The following PPP2R5D variants were observed in gnomAD, a reference collection of about 807,000 sequenced individuals.
PPP2R5D encodes protein phosphatase 2 regulatory subunit B'delta.
Under a neutral mutation model 79.1 loss-of-function variants are expected in PPP2R5D, and 12 were observed. The ratio of observed to expected loss-of-function variants is 0.15; its 90% CI spans 0.10 to 0.25. The LOEUF is 0.25. Among genes scored for constraint, PPP2R5D ranks in the 10% least tolerant of loss-of-function variants. PPP2R5D has a pLI of 1.00. For synonymous variants in PPP2R5D, 277 were observed against 286.6 expected, an observed-to-expected ratio of 0.97 and a Z score of 0.34; for missense variants, 419 against 760.2, an observed-to-expected ratio of 0.55 and a Z score of 5.28.
Position 43,008,278 on chromosome 6 carries a change from G to T in PPP2R5D, c.917+18G>T, listed in dbSNP as rs1293181313. On this transcript the variant is annotated intron_variant, in intron 8 of 15. Coordinates refer to ENST00000485511, the MANE Select transcript of PPP2R5D (RefSeq NM_006245.4). The surrounding 1 kb of genome is among the most constrained non-coding windows in gnomAD (Gnocchi z 4.2). ...CTGGGCAGGTGAGAGGCCGGGTGGG[G>T]GCACAGATGCCTGAAAAAGGTTGGC... 1 of 1,613,988 alleles carries T rather than the reference G, an allele frequency of 6.2e-7. No individual in the cohort carries two copies. Among genetic ancestry groups the T allele is most frequent in the Non-Finnish European group, 8.5e-7 (1 of 1,180,018 alleles).
At chr6:43,004,126 A>G (rs1172678757) in intron 2 of PPP2R5D, among the ~76,000 whole-genome samples, 1 of 144,712 alleles carries the variant, frequency 6.9e-6, no homozygotes, top group Non-Finnish European at 1.5e-5. Context: ...GGGTTTGAGC[A>G]ATTCTCTTGC....
At position 43,006,635 on chromosome 6, in the gene PPP2R5D, A is replaced by G. The variant is rs1160346330; in HGVS notation, c.278A>G (p.Asn93Ser). ...KERRQSSSRF[N>S]LSKNRELQKL... ...CGACGGCAAAGCTCCTCCCGCTTCA[A>G]CCTCAGCAAGAATCGGGAGCTGCAG... Residue 93 changes from asparagine to serine, a missense_variant, in exon 3 of 16, where the codon AAC becomes AGC. By Grantham distance (46) the Asn-to-Ser change is conservative. Around this residue, in one of 5 missense-constraint regions of PPP2R5D, gnomAD observed 110 missense variants for 147.6 expected, o/e 0.75. Coordinates refer to ENST00000485511, the MANE Select transcript of PPP2R5D (RefSeq NM_006245.4). This position sits in a 1 kb window ranked among gnomAD's most constrained non-coding sequence, Gnocchi z 4.7. 2.5e-6 allele frequency: 4 copies of G among 1,614,150 alleles called. No homozygotes were observed. The highest frequency in any genetic ancestry group is 3.3e-5 in the Admixed American group (2 of 60,008).
In PPP2R5D at chr6:43,008,254, T is replaced by TG; in HGVS notation, c.914dup (p.Ser306GlnfsTer11). 6.2e-7 allele frequency: 1 copy of TG among 1,614,182 alleles called. No homozygotes were observed. Among genetic ancestry groups the TG allele is most frequent in the South Asian group, 1.1e-5 (1 of 91,084 alleles). On this transcript the variant is annotated frameshift_variant, in exon 8 of 16. Transcript: ENST00000485511. LOFTEE classifies it high-confidence loss of function. The surrounding 1 kb of genome is among the most constrained non-coding windows in gnomAD (Gnocchi z 4.2). ...GGGATTGCTGAGCTCCTGGAGATCC[T>TG]GGGCAGGTGAGAGGCCGGGTGGGGG... is the stretch of plus-strand genomic sequence containing the variant.
intron 1 of PPP2R5D, among the ~76,000 whole-genome samples, chr6:42,988,468 T>G (rs1022613095): frequency 6.6e-6 from 1 of 152,236 alleles, no homozygotes; most frequent in Admixed American, 6.5e-5. Flanking sequence ...TTCAGCCCAT[T>G]GCTCTCGTGC....
intron 15 of PPP2R5D, 67 bp from the exon 16 acceptor site, chr6:43,011,082 G>A: frequency 1.2e-6 from 2 of 1,611,372 alleles, no homozygotes; most frequent in Middle Eastern, 1.7e-4. Context: ...AAAGAATAAG[G>A]GGACGGAACA....
rs1328178758 is a variant in PPP2R5D at position 43,010,546 on chromosome 6, A to G, written c.1458A>G (p.Gln486=). 2.5e-6 allele frequency: 4 copies of G among 1,614,166 alleles called. No individual in the cohort carries two copies. The highest frequency in any genetic ancestry group is 1.3e-5 in the African/African-American group (1 of 75,046). ...AGAAGCTGTTTGATGACTGCACACAACAATACAAGGCAGAGAAGCAGAAGT... is the reference window on the plus strand; with the variant it reads ...AGAAGCTGTTTGATGACTGCACACAGCAATACAAGGCAGAGAAGCAGAAGT... ...MNQKLFDDCT[Q]QYKAEKQKGR... Residue 486 remains glutamine (Q), a synonymous_variant, in exon 13 of 16, where the codon CAA becomes CAG. Coordinates refer to ENST00000485511, the MANE Select transcript of PPP2R5D (RefSeq NM_006245.4). This position sits in a 1 kb window ranked among gnomAD's most constrained non-coding sequence, Gnocchi z 4.7.
In PPP2R5D at chr6:43,006,765, C is replaced by T. The variant is rs779979456; in HGVS notation, c.322+86C>T. ...GGAATGGAAGTTTTGGGGTATTTTGCGGGGAAGGGAGTTCCAGAGAATGCG... is the reference window on the plus strand; with the variant it reads ...GGAATGGAAGTTTTGGGGTATTTTGTGGGGAAGGGAGTTCCAGAGAATGCG... On this transcript the variant is annotated intron_variant, in intron 3 of 15. Transcript: ENST00000485511. This position sits in a 1 kb window ranked among gnomAD's most constrained non-coding sequence, Gnocchi z 4.7. 66 of 1,575,718 alleles carry T rather than the reference C, an allele frequency of 4.2e-5. No homozygotes were observed. The highest frequency in any genetic ancestry group is 2.5e-4 in the East Asian group (11 of 44,438).
Position 43,006,623 on chromosome 6 carries a change from C to T in PPP2R5D, c.266C>T (p.Ser89Phe), listed in dbSNP as rs1024917557. Residue 89 changes from serine (S) to phenylalanine (F), a missense_variant, in exon 3 of 16, where the codon TCC becomes TTC. Physicochemically the swap from Ser to Phe is radical, Grantham distance 155. Coordinates refer to ENST00000485511, the MANE Select transcript of PPP2R5D (RefSeq NM_006245.4). The surrounding 1 kb of genome is among the most constrained non-coding windows in gnomAD (Gnocchi z 4.7). ...QIVKKERRQS[S>F]SRFNLSKNRE... ...GTCAAGAAGGAGCGACGGCAAAGCT[C>T]CTCCCGCTTCAACCTCAGCAAGAAT... is the stretch of plus-strand genomic sequence containing the variant. The T allele has an allele frequency of 2.5e-6, 4 of 1,614,048 alleles. No individual in the cohort carries two copies. In the African/African-American group the frequency reaches 4.0e-5, roughly 16 times the overall value.
chr6:43,008,604 T>A lies in PPP2R5D; in HGVS notation c.1027-89T>A. 1 of 1,512,826 alleles carries A rather than the reference T, an allele frequency of 6.6e-7. No individual in the cohort carries two copies. The highest frequency in any genetic ancestry group is 1.1e-5 in the South Asian group (1 of 88,334). 93.7% of individuals were successfully genotyped at this position (1,512,826 alleles called of 1,614,324 possible). A position where few individuals can be genotyped will look rare whatever the true frequency, so the allele number is the denominator to read the frequency against. ...ATAATTCCTTCCCTCCATCTCCCCT[T>A]CCCTTCTGGGATCTTGTTTCTATCA... On this transcript the variant is annotated intron_variant, in intron 9 of 15. Coordinates refer to ENST00000485511, the MANE Select transcript of PPP2R5D (RefSeq NM_006245.4). This position sits in a 1 kb window ranked among gnomAD's most constrained non-coding sequence, Gnocchi z 4.2.
intron 2 of PPP2R5D, among the ~76,000 whole-genome samples, chr6:42,995,140 T>G (rs1771563646): frequency 6.8e-6 from 1 of 146,502 alleles, no homozygotes; most frequent in Non-Finnish European, 1.5e-5. Context: ...TTTTTTTTTT[T>G]TTTTTTTGGA....
intron 1 of PPP2R5D, among the ~76,000 whole-genome samples, chr6:42,987,992 C>T (rs1770979254): frequency 1.3e-5 from 2 of 152,122 alleles, no homozygotes; most frequent in Admixed American, 6.6e-5. Context: ...ATGCTCTCAG[C>T]CACTGATAAG....
intron 2 of PPP2R5D, among the ~76,000 whole-genome samples, chr6:42,993,552 G>A (rs1771425805): frequency 6.6e-6 from 1 of 152,220 alleles, no homozygotes; most frequent in Non-Finnish European, 1.5e-5. Flanking sequence ...AGTGTCGGCA[G>A]GGCCATGTCC....
intron 2 of PPP2R5D, among the ~76,000 whole-genome samples, chr6:43,002,950 CTGTT>C (rs938483387): frequency 1.1e-4 from 17 of 152,270 alleles, no homozygotes; most frequent in South Asian, 4.1e-4. Flanking sequence ...ATTCTAGACT[CTGTT>C]TGGGGGCAAG....
intron 2 of PPP2R5D, among the ~76,000 whole-genome samples, chr6:42,996,269 C>T (rs190783183): frequency 1.6e-3 from 244 of 150,596 alleles, no homozygotes; most frequent in African/African-American, 5.6e-3. Context: ...TTGAGACCAT[C>T]CTGGCTAACA....
Position 42,995,986 on chromosome 6 carries a change from C to T in PPP2R5D, c.105+6298C>T, listed in dbSNP as rs1412186899. ...ACGCCATTCTCCTGCCTCAGCCTCCCGAGTAGCTGGGACTTTCTATTTTTT... is the reference window on the plus strand; with the variant it reads ...ACGCCATTCTCCTGCCTCAGCCTCCTGAGTAGCTGGGACTTTCTATTTTTT... On this transcript the variant is annotated intron_variant, in intron 2 of 15. Transcript: ENST00000485511. Among the ~76,000 whole-genome samples, 3 of 148,238 alleles carry T rather than the reference C, an allele frequency of 2.0e-5. No homozygotes were observed. In the Admixed American group the frequency reaches 2.0e-4, roughly 10 times the overall value.
intron 2 of PPP2R5D, among the ~76,000 whole-genome samples, chr6:42,995,402 G>T (rs1771586100): frequency 6.6e-6 from 1 of 151,950 alleles, no homozygotes; most frequent in Admixed American, 6.6e-5. Flanking sequence ...GAAAGTGCTG[G>T]GATTACAGGT....
chr6:42,993,557 A>G (rs1037060139), intron 2 of PPP2R5D, among the ~76,000 whole-genome samples: 18 of 152,242 alleles, frequency 1.2e-4, no homozygotes, highest in Non-Finnish European at 2.5e-4. Flanking sequence ...CGGCAGGGCC[A>G]TGTCCTTCTG....
At chr6:42,992,115 A>T (rs761597005) in intron 2 of PPP2R5D, among the ~76,000 whole-genome samples, 1 of 152,152 alleles carries the variant, frequency 6.6e-6, no homozygotes, top group Non-Finnish European at 1.5e-5. Context: ...GCTGGAGTGC[A>T]GTGGCGCGAT....
At chr6:42,986,292 C>G (rs1770840843) in intron 1 of PPP2R5D, among the ~76,000 whole-genome samples, 1 of 152,142 alleles carries the variant, frequency 6.6e-6, no homozygotes, top group South Asian at 2.1e-4. Flanking sequence ...TGGGGCTGGC[C>G]CTTTTTGGTG....
Sources: allele counts gnomAD v4.1 joint callset (sites outside exome capture counted in the v4.1 genomes callset), GRCh38; gene constraint gnomAD v4.1.1; regional missense constraint gnomAD v4.1.1; non-coding constraint Gnocchi (gnomAD v3.1); transcripts MANE v1.5; gene names NCBI Gene and HGNC (gene_info 2026-07-23, HGNC 2026-07-21).